NPY2R: variants seen among roughly 807,000 people sequenced by gnomAD.
The protein encoded by NPY2R is neuropeptide Y receptor type 2.
NPY2R carries 17 observed loss-of-function variants against 22.3 expected under a neutral mutation model. That is an observed-to-expected ratio of 0.76 (90% CI 0.52 to 1.14). The LOEUF is 1.14. Among genes scored for constraint, NPY2R ranks in the 50% most tolerant of loss-of-function variants. The probability of loss-of-function intolerance (pLI) is 0.00; values close to 1 mark genes in which losing one functional copy is unlikely to be tolerated. For synonymous variants in NPY2R, 209 were observed against 183.4 expected (o/e 1.14, Z -1.13); for missense variants, 424 against 467.9 (o/e 0.91, Z 0.87).
chr4:155,210,748 A>C (rs1220808907), intron 1 of NPY2R, among the ~76,000 whole-genome samples: 1 of 152,194 alleles, frequency 6.6e-6, no homozygotes, highest in Non-Finnish European at 1.5e-5. Flanking sequence ...ACACCTGAGT[A>C]CATGGAAACT....
chr4:155,209,998 T>C (rs1729369921), intron 1 of NPY2R, among the ~76,000 whole-genome samples: 1 of 152,234 alleles, frequency 6.6e-6, no homozygotes. Context: ...GAAATGTTTC[T>C]ATGACAAAGT....
At chr4:155,193,056 T>A in the NPY2R span, among the ~76,000 whole-genome samples, 1 of 151,814 alleles carries the variant, frequency 6.6e-6, no homozygotes, top group African/African-American at 2.4e-5. Context: ...GATTGTAGGA[T>A]CAAGCAAAGG....
In NPY2R at chr4:155,214,996, G is replaced by T. The variant is rs778521932; in HGVS notation, c.1057G>T (p.Val353Leu). The change falls in exon 2 of 2, where the codon GTG becomes TTG. Residue 353 changes from valine (V) to leucine (L), a missense_variant. By Grantham distance (32) the Val-to-Leu change is conservative. Coordinates refer to ENST00000329476, the MANE Select transcript of NPY2R (RefSeq NM_000910.4). ...EQRLDAIHSEVSVTFKAKKNL... is the reference protein window; with the variant it reads ...EQRLDAIHSELSVTFKAKKNL... ...GCGGTTGGATGCCATTCACTCTGAG[G>T]TGTCCGTGACATTCAAGGCTAAAAA... 53 of 1,614,050 alleles carry T rather than the reference G, an allele frequency of 3.3e-5. No homozygotes were observed. In the South Asian group the frequency reaches 5.8e-4, roughly 18 times the overall value.
chr4:155,175,132 G>T, the NPY2R span, among the ~76,000 whole-genome samples: 1 of 152,128 alleles, frequency 6.6e-6, no homozygotes, highest in East Asian at 1.9e-4. Context: ...TGACTGAAAT[G>T]TGAAGCAGCA....
At chr4:155,182,170 C>T in the NPY2R span, among the ~76,000 whole-genome samples, 71,228 of 151,852 alleles carry the variant, frequency 0.47, 17,440 homozygotes, top group East Asian at 0.69. Flanking sequence ...TATAACTCCT[C>T]GATTCCAACC....
upstream of NPY2R, chr4:155,207,087 G>A (rs931938717): frequency 6.6e-6 from 1 of 152,102 alleles, no homozygotes; most frequent in Admixed American, 6.5e-5. Flanking sequence ...TATTTGAAAA[G>A]CCCAGGCTGC....
chr4:155,202,473 A>G, the NPY2R span, among the ~76,000 whole-genome samples: 464 of 152,322 alleles, frequency 3.0e-3, 1 homozygote, highest in African/African-American at 0.011. Context: ...AGTGTCTAGC[A>G]TACAGTCTCA....
chr4:155,191,789 TCACATGTCAA>T, the NPY2R span, among the ~76,000 whole-genome samples: 1 of 151,950 alleles, frequency 6.6e-6, no homozygotes. Flanking sequence ...AACTTATTTT[TCACATGTCAA>T]CACTTTAACT....
the NPY2R span, among the ~76,000 whole-genome samples, chr4:155,189,068 T>C: frequency 1.3e-5 from 2 of 152,250 alleles, no homozygotes; most frequent in Non-Finnish European, 1.5e-5. Context: ...AATATTACGA[T>C]ATGCCTTATT....
chr4:155,195,385 C>G, the NPY2R span, among the ~76,000 whole-genome samples: 1 of 151,890 alleles, frequency 6.6e-6, no homozygotes, highest in Non-Finnish European at 1.5e-5. Context: ...ATCTCTCATG[C>G]CAAGAGATTC....
chr4:155,213,049 G>T (rs1330684277), intron 1 of NPY2R, among the ~76,000 whole-genome samples: 2 of 152,214 alleles, frequency 1.3e-5, no homozygotes, highest in African/African-American at 2.4e-5. Context: ...AAATACAATA[G>T]GTTCTCATTT....
the NPY2R span, among the ~76,000 whole-genome samples, chr4:155,180,847 ATATT>A: frequency 4.0e-5 from 6 of 151,538 alleles, no homozygotes; most frequent in Admixed American, 2.0e-4. Context: ...ATTTTAAAAC[ATATT>A]TATTTATTAT....
upstream of NPY2R, among the ~76,000 whole-genome samples, chr4:155,204,715 A>C: frequency 6.6e-6 from 1 of 152,072 alleles, no homozygotes; most frequent in Non-Finnish European, 1.5e-5. Context: ...TTTAAGCTTA[A>C]AAGTTGAGAA....
chr4:155,201,177 C>A, the NPY2R span, among the ~76,000 whole-genome samples: 1 of 152,092 alleles, frequency 6.6e-6, no homozygotes, highest in East Asian at 1.9e-4. Flanking sequence ...GAGTATATTC[C>A]TCTTCTCCCT....
At chr4:155,199,553 T>C in the NPY2R span, among the ~76,000 whole-genome samples, 466 of 152,226 alleles carry the variant, frequency 3.1e-3, 1 homozygote, top group African/African-American at 0.011. Context: ...AGAGCCCATA[T>C]AGCCAAGACA....
At chr4:155,185,619 T>G in the NPY2R span, among the ~76,000 whole-genome samples, 1 of 152,134 alleles carries the variant, frequency 6.6e-6, no homozygotes, top group Non-Finnish European at 1.5e-5. Flanking sequence ...AATGATTTTT[T>G]GACTCCCTGG....
At chr4:155,179,145 T>C in the NPY2R span, among the ~76,000 whole-genome samples, 3 of 152,204 alleles carry the variant, frequency 2.0e-5, no homozygotes, top group Non-Finnish European at 4.4e-5. Context: ...TGAACATTAA[T>C]GTTTCCAATG....
At position 155,216,199 on chromosome 4, in the gene NPY2R, T is replaced by C. The variant is rs528279444; in HGVS notation, c.*1114T>C. On this transcript the variant is annotated 3_prime_UTR_variant, in exon 2 of 2. Transcript: ENST00000329476. Reference sequence around the variant, plus strand: ...TGGATTCATTTCATCTTGCAAATGTTGTATTTCAAACCAGTTTCACATAAG... The same window carrying C: ...TGGATTCATTTCATCTTGCAAATGTCGTATTTCAAACCAGTTTCACATAAG... 6.0e-6 allele frequency: 1 copy of C among 167,160 alleles called. No individual in the cohort carries two copies. The highest frequency in any genetic ancestry group is 2.1e-4 in the South Asian group (1 of 4,830). The allele number at this position is 167,160 out of a possible 1,614,324, so 10.4% of individuals were successfully genotyped here.
chr4:155,184,173 A>T, the NPY2R span, among the ~76,000 whole-genome samples: 5 of 151,810 alleles, frequency 3.3e-5, no homozygotes, highest in Admixed American at 3.3e-4. Flanking sequence ...GTGAAGTTCC[A>T]TCTTATTTAA....
Sources: gnomAD v4.1 joint callset for allele counts (sites outside exome capture counted in the v4.1 genomes callset) on GRCh38, gnomAD v4.1.1 for gene constraint, MANE v1.5 for transcripts, NCBI Gene and HGNC (gene_info 2026-07-23, HGNC 2026-07-21) for gene names.